The following ABCG8 variants were observed in gnomAD, a reference collection of about 807,000 sequenced individuals.
ABCG8 encodes the protein ATP binding cassette subfamily G member 8.
Under a neutral mutation model 71.3 loss-of-function variants are expected in ABCG8, and 81 were observed. The observed-to-expected ratio is 1.14, with a 90% CI of 0.95 to 1.37. ABCG8 has a LOEUF of 1.37. ABCG8 is among the 40% of genes most tolerant of loss of function. The pLI, the probability that ABCG8 is intolerant of heterozygous loss-of-function variation, is 0.00. For synonymous variants in ABCG8, 451 were observed against 354.7 expected, an observed-to-expected ratio of 1.27 and a Z score of -3.05; for missense variants, 1,119 against 866.2, an observed-to-expected ratio of 1.29 and a Z score of -3.66.
intron 9 of ABCG8, 106 bp from the exon 10 acceptor site, chr2:43,874,301 G>C: frequency 9.6e-7 from 1 of 1,040,504 alleles, no homozygotes; most frequent in Middle Eastern, 2.0e-4. Flanking sequence ...TAGAGACTTG[G>C]GCAATATGAT....
In ABCG8 at chr2:43,857,428, A is replaced by G. The variant is rs141719915; in HGVS notation, c.964+4560A>G. ...ATAGAATTCTCATTCTCTGGATAGA[A>G]CTCTCACTATCTGGATAGAATCCTC... On this transcript the variant is annotated intron_variant, in intron 6 of 12. Coordinates refer to ENST00000272286, the MANE Select transcript of ABCG8 (RefSeq NM_022437.3). 6.2e-3 allele frequency among the ~76,000 whole-genome samples: 946 copies of G among 151,648 alleles called. 2 individuals carry two copies. The highest frequency in any genetic ancestry group is 9.3e-3 in the Non-Finnish European group (632 of 67,706).
intron 6 of ABCG8, among the ~76,000 whole-genome samples, chr2:43,862,360 G>C (rs796270732): frequency 4.7e-3 from 628 of 134,150 alleles, no homozygotes; most frequent in Middle Eastern, 0.011. Context: ...GTCTTACTGT[G>C]TATCTGGATA....
chr2:43,848,730 G>C (rs913574551), intron 3 of ABCG8: 1 of 152,022 alleles, frequency 6.6e-6, no homozygotes, highest in Non-Finnish European at 1.5e-5. Flanking sequence ...AAAGAAAACA[G>C]CCAGGCTGGG....
intron 6 of ABCG8, among the ~76,000 whole-genome samples, chr2:43,859,461 A>G (rs960947435): frequency 1.3e-5 from 2 of 149,510 alleles, no homozygotes; most frequent in African/African-American, 4.9e-5. Flanking sequence ...AGCTCTTACT[A>G]TCTGGATAGA....
chr2:43,856,777 T>C (rs1294173305), intron 6 of ABCG8, among the ~76,000 whole-genome samples: 2 of 151,834 alleles, frequency 1.3e-5, no homozygotes, highest in Admixed American at 1.3e-4. Context: ...TCACTCTAGA[T>C]AAAACTCTCA....
At chr2:43,842,014 T>A (rs991012839) in intron 1 of ABCG8, among the ~76,000 whole-genome samples, 3 of 52,050 alleles carry the variant, frequency 5.8e-5, no homozygotes, top group Admixed American at 1.8e-4. Flanking sequence ...ATGGATAAGA[T>A]TTTTTTTTTT....
chr2:43,860,770 A>G (rs1669285162), intron 6 of ABCG8, among the ~76,000 whole-genome samples: 1 of 149,886 alleles, frequency 6.7e-6, no homozygotes, highest in Non-Finnish European at 1.5e-5. Context: ...TAGAACTCTC[A>G]CTATCTGCTG....
At chr2:43,851,206 C>A (rs1668902671) in intron 3 of ABCG8, among the ~76,000 whole-genome samples, 1 of 152,198 alleles carries the variant, frequency 6.6e-6, no homozygotes, top group Admixed American at 6.5e-5. Context: ...ATGTTAACAC[C>A]AGCCTGCCTT....
intron 6 of ABCG8, among the ~76,000 whole-genome samples, chr2:43,866,090 G>A (rs1450900869): frequency 6.6e-6 from 1 of 151,924 alleles, no homozygotes; most frequent in African/African-American, 2.4e-5. Context: ...AACAAGCAAT[G>A]GGGAAAGGAT....
At chr2:43,877,459 G>A in intron 11 of ABCG8, 102 bp from the exon 12 acceptor site, 2 of 1,566,506 alleles carry the variant, frequency 1.3e-6, no homozygotes, top group Non-Finnish European at 1.7e-6. Context: ...CAGACCATGG[G>A]AATATGGGGA....
At position 43,852,443 on chromosome 2, in the gene ABCG8, G is replaced by A. The variant is rs1387716523; in HGVS notation, c.651G>A (p.Glu217=). 17 of 1,612,874 alleles carry A rather than the reference G, an allele frequency of 1.1e-5. No homozygotes were observed. The highest frequency in any genetic ancestry group is 1.4e-5 in the Non-Finnish European group (16 of 1,180,012). The stretch of plus-strand genomic sequence containing the variant: ...ACGTGCGGGGGTTGTCGGGGGGTGA[G>A]CGCAGGAGAGTCAGCATTGGGGTGC... ...NMYVRGLSGG[E]RRRVSIGVQL... The change falls in exon 5 of 13, where the codon GAG becomes GAA. Residue 217 remains glutamate, a synonymous_variant. Transcript: ENST00000272286.
chr2:43,846,329 C>A lies in ABCG8; in HGVS notation c.322+18C>A, dbSNP rs754617407. Reference sequence around the variant, plus strand: ...GAGCTCAGGTACCGGAAAGGCAAATCGCTGGGCAATGGTTTCTCTCCTGGG... The same window carrying A: ...GAGCTCAGGTACCGGAAAGGCAAATAGCTGGGCAATGGTTTCTCTCCTGGG... On this transcript the variant is annotated intron_variant, in intron 3 of 12. Transcript: ENST00000272286. 4 of 1,613,986 alleles carry A rather than the reference C, an allele frequency of 2.5e-6. No individual in the cohort carries two copies. Among genetic ancestry groups the A allele is most frequent in the Non-Finnish European group, 3.4e-6 (4 of 1,179,968 alleles).
At chr2:43,843,480 G>A (rs1668643851) in intron 1 of ABCG8, among the ~76,000 whole-genome samples, 2 of 152,106 alleles carry the variant, frequency 1.3e-5, no homozygotes, top group Non-Finnish European at 2.9e-5. Flanking sequence ...CTTGAGCCCA[G>A]GAGTTTGAGA....
chr2:43,856,290 C>A (rs370323925), intron 6 of ABCG8, among the ~76,000 whole-genome samples: 3 of 152,196 alleles, frequency 2.0e-5, no homozygotes, highest in African/African-American at 7.2e-5. Context: ...TTCTCACTCT[C>A]TGGATAGAAC....
Position 43,845,082 on chromosome 2 carries a change from G to A in ABCG8, c.165+474G>A, listed in dbSNP as rs748021620. ...CAGATTTCATTAGTTATATATATAT[G>A]TGTGTGTGTGTGTGTGTATATATAT... On this transcript the variant is annotated intron_variant, in intron 2 of 12. Coordinates refer to ENST00000272286, the MANE Select transcript of ABCG8 (RefSeq NM_022437.3). Among the ~76,000 whole-genome samples the A allele has an allele frequency of 1.7e-3, 201 of 119,466 alleles. 1 individual carries two copies. The South Asian group carries it at 0.021, about 12-fold the overall frequency. 78.4% of individuals were successfully genotyped at this position (119,466 alleles called of 152,430 possible).
At position 43,853,517 on chromosome 2, in the gene ABCG8, C is replaced by T. The variant is rs141430923; in HGVS notation, c.964+649C>T. 9.2e-5 allele frequency among the ~76,000 whole-genome samples: 14 copies of T among 152,136 alleles called. No homozygotes were observed. In the East Asian group the frequency reaches 2.7e-3, roughly 29 times the overall value. On this transcript the variant is annotated intron_variant, in intron 6 of 12. Transcript: ENST00000272286. ...GACAGGCGTCATGGTTGTACCAGGT[C>T]CCAGGGAGACAGCTGTCATGGCTTA... is the stretch of plus-strand genomic sequence containing the variant.
At chr2:43,849,211 T>C (rs1668837630) in intron 3 of ABCG8, among the ~76,000 whole-genome samples, 1 of 152,078 alleles carries the variant, frequency 6.6e-6, no homozygotes, top group Admixed American at 6.6e-5. Context: ...GAAGGTGTAT[T>C]AGTCCGTTTT....
Position 43,874,452 on chromosome 2 carries a change from TG to T in ABCG8, c.1458del (p.Tyr487ThrfsTer35). On this transcript the variant is annotated frameshift_variant, in exon 10 of 13. Transcript: ENST00000272286. LOFTEE classifies it high-confidence loss of function. ...CTTTACTATGAACTGGAAGACGGGC[TG>T]TACACCACTGGTCCATATTTCTTTG... ...AMLYYELEDGLYTTGPYFFAK... is the reference protein window; with the variant it reads ...AMLYYELEDGXYTTGPYFFAK... The T allele has an allele frequency of 6.2e-7, 1 of 1,614,046 alleles. No homozygotes were observed.
chr2:43,878,225 G>T lies in ABCG8; in HGVS notation c.*312G>T. 1 of 399,460 alleles carries T rather than the reference G, an allele frequency of 2.5e-6. No individual in the cohort carries two copies. The highest frequency in any genetic ancestry group is 4.8e-6 in the Non-Finnish European group (1 of 209,134). The allele number at this position is 399,460 out of a possible 1,614,324, so 24.7% of individuals were successfully genotyped here. On this transcript the variant is annotated 3_prime_UTR_variant, in exon 13 of 13. Coordinates refer to ENST00000272286, the MANE Select transcript of ABCG8 (RefSeq NM_022437.3). ...TTATATAGGCAACTCGATATAGGAT[G>T]GGAGCAAACTAGGAATGAATTGGGT...
Sources: gnomAD v4.1 joint callset for allele counts (sites outside exome capture counted in the v4.1 genomes callset) on GRCh38, gnomAD v4.1.1 for gene constraint, MANE v1.5 for transcripts, NCBI Gene and HGNC (gene_info 2026-07-23, HGNC 2026-07-21) for gene names.